Variants in PLA2G2C observed in about 807,000 individuals in gnomAD.
PLA2G2C encodes putative inactive group IIC secretory phospholipase A2.
A neutral mutation model predicts 14.3 loss-of-function variants in PLA2G2C; 15 were observed. The observed-to-expected ratio is 1.05, with a 90% CI of 0.70 to 1.62. PLA2G2C has a LOEUF of 1.62. Ranked by LOEUF, PLA2G2C falls within the 40% of genes most tolerant of loss-of-function variation. PLA2G2C has a pLI of 0.00. For synonymous variants in PLA2G2C, 79 were observed against 67.7 expected (o/e 1.17, Z -0.82); for missense variants, 162 against 173.2 (o/e 0.94, Z 0.36).
intron 1 of PLA2G2C, among the ~76,000 whole-genome samples, chr1:20,182,986 GCAC>G (rs1444598267): frequency 6.6e-6 from 1 of 151,624 alleles, no homozygotes; most frequent in African/African-American, 2.4e-5. Flanking sequence ...CTTGGAATCA[GCAC>G]CACCATCATC....
rs571996636 is a variant in PLA2G2C, at chr1:20,175,114, C to G, written c.72G>C (p.Gln24His). 3 of 1,613,840 alleles carry G rather than the reference C, an allele frequency of 1.9e-6. No homozygotes were observed. The highest frequency in any genetic ancestry group is 2.5e-6 in the Non-Finnish European group (3 of 1,179,882). Residue 24 changes from glutamine (Q) to histidine (H), a missense_variant, in exon 3 of 5, where the codon CAG becomes CAC. Coordinates refer to ENST00000679259, the MANE Select transcript of PLA2G2C (RefSeq NM_001367969.2). Reference protein sequence around the residue: ...SPTHSSFWQFQRRVKHITGRS... With the variant: ...SPTHSSFWQFHRRVKHITGRS... Reference sequence around the variant, plus strand: ...GCCCCGTGATGTGTTTGACCCTCCTCTGAAACTGCCAGAAACTGCTGTGGG... The same window carrying G: ...GCCCCGTGATGTGTTTGACCCTCCTGTGAAACTGCCAGAAACTGCTGTGGG...
chr1:20,170,285 A>C (rs1214604398), intron 4 of PLA2G2C, among the ~76,000 whole-genome samples: 1 of 152,250 alleles, frequency 6.6e-6, no homozygotes, highest in Non-Finnish European at 1.5e-5. Flanking sequence ...GAAAAGGTTC[A>C]AGACACATGC....
intron 4 of PLA2G2C, among the ~76,000 whole-genome samples, chr1:20,164,964 G>C (rs2017951095): frequency 1.3e-5 from 2 of 152,224 alleles, no homozygotes; most frequent in Admixed American, 1.3e-4. Flanking sequence ...TTCTCAAACT[G>C]TAACCCGAGT....
intron 4 of PLA2G2C, among the ~76,000 whole-genome samples, chr1:20,172,566 TG>T (rs986779639): frequency 6.6e-6 from 1 of 152,154 alleles, no homozygotes; most frequent in African/African-American, 2.4e-5. Flanking sequence ...TGCCAGGCTC[TG>T]GGCCCCCAGA....
At chr1:20,185,288 C>A (rs1407410236) in intron 1 of PLA2G2C, among the ~76,000 whole-genome samples, 1 of 152,118 alleles carries the variant, frequency 6.6e-6, no homozygotes, top group East Asian at 1.9e-4. Context: ...TCTTCAATAC[C>A]CGTGTGTAGG....
chr1:20,167,145 C>T (rs955694125), intron 4 of PLA2G2C, among the ~76,000 whole-genome samples: 8 of 152,190 alleles, frequency 5.3e-5, no homozygotes, highest in Non-Finnish European at 1.2e-4. Context: ...CTAAGCCCCT[C>T]GCCTCAGCCC....
At chr1:20,182,631 TC>T (rs2018292524) in intron 1 of PLA2G2C, among the ~76,000 whole-genome samples, 1 of 152,254 alleles carries the variant, frequency 6.6e-6, no homozygotes, top group Non-Finnish European at 1.5e-5. Flanking sequence ...CTCTTGCAGA[TC>T]CCCTTAGGAA....
intron 4 of PLA2G2C, among the ~76,000 whole-genome samples, chr1:20,169,683 C>T (rs1262277436): frequency 6.6e-6 from 1 of 152,226 alleles, no homozygotes; most frequent in Admixed American, 6.5e-5. Flanking sequence ...GCCACTGTAG[C>T]TGGGTTGCTT....
intron 4 of PLA2G2C, among the ~76,000 whole-genome samples, chr1:20,170,884 TG>T (rs2018062749): frequency 7.1e-6 from 1 of 141,566 alleles, no homozygotes; most frequent in Non-Finnish European, 1.5e-5. Context: ...CTCCCAGCCC[TG>T]GCTGGCACCT....
chr1:20,182,331 G>C (rs1455103882), intron 1 of PLA2G2C, among the ~76,000 whole-genome samples: 1 of 152,058 alleles, frequency 6.6e-6, no homozygotes, highest in Non-Finnish European at 1.5e-5. Context: ...CCTTTTCTAT[G>C]TTTAGATCTG....
rs546040703 is a variant in PLA2G2C at position 20,168,366 on chromosome 1, C to A, written c.284-4209G>T. Among the ~76,000 whole-genome samples, 5 of 152,290 alleles carry A rather than the reference C, an allele frequency of 3.3e-5. No homozygotes were observed. In the South Asian group the frequency reaches 1.0e-3, roughly 32 times the overall value. ...GGGGCACAGGTGCAAGCCAGCAGAC[C>A]CCACACTGCTTAGTCCAGGGGCATC... On this transcript the variant is annotated intron_variant, in intron 4 of 4. Transcript: ENST00000679259.
At chr1:20,171,758 CTTT>C (rs10710359) in intron 4 of PLA2G2C, among the ~76,000 whole-genome samples, 2 of 121,516 alleles carry the variant, frequency 1.6e-5, no homozygotes, top group Non-Finnish European at 3.5e-5. Context: ...GCCACTTCTT[CTTT>C]TTTTTTTTTT....
At chr1:20,167,786 C>T (rs907060467) in intron 4 of PLA2G2C, among the ~76,000 whole-genome samples, 1 of 152,214 alleles carries the variant, frequency 6.6e-6, no homozygotes, top group Admixed American at 6.5e-5. Context: ...CTGCTCCTAG[C>T]ACATTGGCCC....
rs749042026 is a variant in PLA2G2C at position 20,164,035 on chromosome 1, A to C, written c.406T>G (p.Phe136Val). ...LPTYEKNFKQ[F>V]SSQPRCGRHK... is the part of the protein sequence containing the mutation. ...CTGCCACACCTGGGCTGGCTGGAGA[A>C]CTGCTTGAAGTTTTTCTCATAGGTG... Residue 136 changes from phenylalanine to valine, a missense_variant, in exon 5 of 5, where the codon TTC (phenylalanine) becomes GTC (valine). Transcript: ENST00000679259. 6.2e-7 allele frequency: 1 copy of C among 1,613,678 alleles called. No individual in the cohort carries two copies. The highest frequency in any genetic ancestry group is 1.7e-5 in the Admixed American group (1 of 59,992).
At chr1:20,170,110 G>A (rs1330750839) in intron 4 of PLA2G2C, among the ~76,000 whole-genome samples, 1 of 152,190 alleles carries the variant, frequency 6.6e-6, no homozygotes, top group Non-Finnish European at 1.5e-5. Flanking sequence ...CTTGATAATG[G>A]GAGATAATGC....
At chr1:20,184,880 G>A (rs1370955409) in intron 1 of PLA2G2C, among the ~76,000 whole-genome samples, 1 of 152,162 alleles carries the variant, frequency 6.6e-6, no homozygotes, top group Non-Finnish European at 1.5e-5. Flanking sequence ...GAGGCTGGGC[G>A]AGGTGGCTCA....
In PLA2G2C at chr1:20,171,751, ACTT is replaced by A. The variant is rs891321319; in HGVS notation, c.283+1040_283+1042del. On this transcript the variant is annotated intron_variant, in intron 4 of 4. Transcript: ENST00000679259. Reference sequence around the variant, plus strand: ...AGTGAGCCACACACTATAAGAAGCCACTTCTTCTTTTTTTTTTTTTTTTTTTTT... The same window carrying A: ...AGTGAGCCACACACTATAAGAAGCCACTTCTTTTTTTTTTTTTTTTTTTTT... Among the ~76,000 whole-genome samples the A allele has an allele frequency of 5.6e-4, 81 of 145,534 alleles. 1 individual carries two copies. In the South Asian group the frequency reaches 7.2e-3, roughly 13 times the overall value.
At chr1:20,172,263 G>T (rs560659505) in intron 4 of PLA2G2C, among the ~76,000 whole-genome samples, 8 of 152,058 alleles carry the variant, frequency 5.3e-5, no homozygotes, top group African/African-American at 1.7e-4. Context: ...CCAGGGCCAC[G>T]CCCCATGTGA....
chr1:20,179,016 G>A (rs997394101), intron 1 of PLA2G2C, among the ~76,000 whole-genome samples: 6 of 152,230 alleles, frequency 3.9e-5, no homozygotes, highest in Admixed American at 2.6e-4. Context: ...TGCAGGTACC[G>A]CGTGGCCCAA....
Sources: gnomAD v4.1 joint callset for allele counts (sites outside exome capture counted in the v4.1 genomes callset) on GRCh38, gnomAD v4.1.1 for gene constraint, MANE v1.5 for transcripts, NCBI Gene and HGNC (gene_info 2026-07-23, HGNC 2026-07-21) for gene names.